ATP2B1: variants seen among roughly 807,000 people sequenced by gnomAD.
ATP2B1 encodes plasma membrane calcium-transporting ATPase 1.
A neutral mutation model predicts 124.2 loss-of-function variants in ATP2B1; 14 were observed. The observed-to-expected ratio is 0.11, with a 90% confidence interval of 0.07 to 0.18. The LOEUF is 0.18. ATP2B1 is among the 10% of genes least tolerant of loss of function. The pLI is 1.00. For synonymous variants in ATP2B1, 449 were observed against 492.4 expected (o/e 0.91, Z 1.17); for missense variants, 763 against 1,466.1 (o/e 0.52, Z 7.83).
chr12:89,607,647 T>C (rs1306865499), intron 15 of ATP2B1, among the ~76,000 whole-genome samples: 1 of 152,254 alleles, frequency 6.6e-6, no homozygotes, highest in Non-Finnish European at 1.5e-5. Flanking sequence ...AGATTCAGTC[T>C]TTGATGACAG....
intron 1 of ATP2B1, among the ~76,000 whole-genome samples, chr12:89,705,944 T>A (rs913304026): frequency 5.3e-5 from 8 of 152,204 alleles, no homozygotes; most frequent in African/African-American, 1.9e-4. Flanking sequence ...GGTTTGTAAG[T>A]AAGACTATAT....
At chr12:89,694,025 A>C (rs1352551296) in intron 1 of ATP2B1, among the ~76,000 whole-genome samples, 1 of 152,194 alleles carries the variant, frequency 6.6e-6, no homozygotes, top group Non-Finnish European at 1.5e-5. Context: ...ACTAAGTTAC[A>C]TTCCAGGACA....
intron 1 of ATP2B1, among the ~76,000 whole-genome samples, chr12:89,702,894 T>C (rs1892019986): frequency 6.6e-6 from 1 of 152,128 alleles, no homozygotes; most frequent in African/African-American, 2.4e-5. Flanking sequence ...GACACTGTCC[T>C]AGGAAAAATT....
At chr12:89,628,998 AC>A (rs982588138) in intron 6 of ATP2B1, among the ~76,000 whole-genome samples, 76 of 152,220 alleles carry the variant, frequency 5.0e-4, no homozygotes, top group African/African-American at 1.6e-3. Flanking sequence ...TAAAAAAAAA[AC>A]AACAACAACA....
At chr12:89,662,636 AGT>A (rs1186496615) in intron 1 of ATP2B1, among the ~76,000 whole-genome samples, 2 of 152,210 alleles carry the variant, frequency 1.3e-5, no homozygotes, top group Non-Finnish European at 2.9e-5. Context: ...TATAAACAAG[AGT>A]AAATTCACCA....
chr12:89,650,226 G>A (rs1437535558), intron 2 of ATP2B1, among the ~76,000 whole-genome samples: 1 of 152,136 alleles, frequency 6.6e-6, no homozygotes, highest in Non-Finnish European at 1.5e-5. Context: ...GACCAAGAAA[G>A]TACATAAAAA....
In ATP2B1 at chr12:89,621,489, T is replaced by C. The variant is rs1490533223; in HGVS notation, c.1587+60A>G. On this transcript the variant is annotated intron_variant, in intron 10 of 20. Transcript: ENST00000428670. The stretch of plus-strand genomic sequence containing the variant: ...AGTAATGGTGGTCTGAAGACTTACA[T>C]ATAGTCTGATCATTATAGATTTAAA... 4.5e-6 allele frequency: 6 copies of C among 1,319,328 alleles called. No homozygotes were observed. The South Asian group carries it at 6.4e-5, about 14-fold the overall frequency. 81.7% of individuals were successfully genotyped at this position (1,319,328 alleles called of 1,614,324 possible).
At chr12:89,644,707 G>GA (rs893572525) in intron 2 of ATP2B1, among the ~76,000 whole-genome samples, 6 of 150,668 alleles carry the variant, frequency 4.0e-5, no homozygotes, top group African/African-American at 7.3e-5. Context: ...CCAGCAAAAA[G>GA]AAAAAAAAAT....
chr12:89,681,216 A>T (rs1889315046), intron 1 of ATP2B1, among the ~76,000 whole-genome samples: 2 of 152,000 alleles, frequency 1.3e-5, no homozygotes, highest in African/African-American at 4.8e-5. Flanking sequence ...TATACTGAAT[A>T]AAAATGACAG....
chr12:89,641,044 A>G (rs558886722), intron 3 of ATP2B1, among the ~76,000 whole-genome samples: 5 of 152,314 alleles, frequency 3.3e-5, no homozygotes, highest in Admixed American at 6.5e-5. Flanking sequence ...TCGAAAGGGT[A>G]TAGGAATGAA....
intron 2 of ATP2B1, among the ~76,000 whole-genome samples, chr12:89,647,759 G>A (rs1433847431): frequency 6.6e-6 from 1 of 152,126 alleles, no homozygotes; most frequent in Non-Finnish European, 1.5e-5. Flanking sequence ...TTGGAGGTGG[G>A]GTCTAGTGGG....
At chr12:89,659,915 C>CAAAAAAAAAAAAA (rs1234238576) in intron 1 of ATP2B1, among the ~76,000 whole-genome samples, 1 of 42,526 alleles carries the variant, frequency 2.4e-5, no homozygotes, top group African/African-American at 8.4e-5. Flanking sequence ...AAGCGAGACT[C>CAAAAAAAAAAAAA]AAAAAAAAAA....
intron 1 of ATP2B1, among the ~76,000 whole-genome samples, chr12:89,705,308 T>C (rs1355236438): frequency 6.6e-6 from 1 of 152,142 alleles, no homozygotes; most frequent in Non-Finnish European, 1.5e-5. Context: ...TCATGACAGC[T>C]ACTAGAAAAT....
At chr12:89,596,197 A>G (rs560573067) in intron 20 of ATP2B1, among the ~76,000 whole-genome samples, 1 of 152,228 alleles carries the variant, frequency 6.6e-6, no homozygotes, top group African/African-American at 2.4e-5. Flanking sequence ...AAAAACAATT[A>G]TTTAAATATT....
Position 89,656,025 on chromosome 12 carries a change from A to G in ATP2B1, c.-139T>C. On this transcript the variant is annotated 5_prime_UTR_variant, in exon 2 of 21. It removes an upstream start codon present in the reference 5' UTR. Coordinates refer to ENST00000428670, the MANE Select transcript of ATP2B1 (RefSeq NM_001366521.1). ...TCATTGTATGACTTTGTAAAGCAGC[A>G]TCAGCAGCAACATTTCCCAGAGAAG... The G allele has an allele frequency of 1.2e-6, 1 of 841,912 alleles. No homozygotes were observed. The highest frequency in any genetic ancestry group is 1.8e-6 in the Non-Finnish European group (1 of 566,172). The allele number at this position is 841,912 out of a possible 1,614,324, so 52.2% of individuals were successfully genotyped here.
intron 15 of ATP2B1, among the ~76,000 whole-genome samples, chr12:89,606,761 G>A (rs1188114695): frequency 6.6e-6 from 1 of 151,830 alleles, no homozygotes; most frequent in Non-Finnish European, 1.5e-5. Context: ...AGTAGAGACA[G>A]GATTTTAATA....
Position 89,621,596 on chromosome 12 carries a change from G to T in ATP2B1, c.1540C>A (p.Leu514Ile). Reference protein sequence around the residue: ...EAIPPNILSYLVTGISVNCAY... With the variant: ...EAIPPNILSYIVTGISVNCAY... ...CAATTCACAGAAATTCCTGTTACAA[G>T]ATAGGACAAAATATTTGGTGGAATA... Residue 514 changes from leucine to isoleucine, a missense_variant, in exon 10 of 21, where the codon CTT (leucine) becomes ATT (isoleucine). Transcript: ENST00000428670. 1 of 1,606,712 alleles carries T rather than the reference G, an allele frequency of 6.2e-7. No individual in the cohort carries two copies. The highest frequency in any genetic ancestry group is 8.5e-7 in the Non-Finnish European group (1 of 1,174,986).
chr12:89,595,425 C>T (rs1874389972), intron 20 of ATP2B1, among the ~76,000 whole-genome samples: 1 of 151,834 alleles, frequency 6.6e-6, no homozygotes, highest in Non-Finnish European at 1.5e-5. Context: ...AAAAAAACTA[C>T]AGAATGTTTT....
At chr12:89,635,990 T>C (rs1882630197) in intron 3 of ATP2B1, among the ~76,000 whole-genome samples, 1 of 152,084 alleles carries the variant, frequency 6.6e-6, no homozygotes, top group Non-Finnish European at 1.5e-5. Context: ...CACAAATAAT[T>C]AATTTCACAT....
Sources: allele counts gnomAD v4.1 joint callset (sites outside exome capture counted in the v4.1 genomes callset), GRCh38; gene constraint gnomAD v4.1.1; transcripts MANE v1.5; gene names NCBI Gene and HGNC (gene_info 2026-07-23, HGNC 2026-07-21).